Variants in ATP2C2 observed in about 807,000 individuals in gnomAD.
ATP2C2 encodes calcium-transporting ATPase type 2C member 2.
ATP2C2 carries 171 observed loss-of-function variants against 110.8 expected under a neutral mutation model. That is an observed-to-expected ratio of 1.54 (90% CI 1.36 to 1.75). The LOEUF (loss-of-function observed/expected upper bound fraction) is 1.75, where lower values mean the gene tolerates loss of function less well. Among genes scored for constraint, ATP2C2 ranks in the 40% most tolerant of loss-of-function variants. The probability of loss-of-function intolerance (pLI) is 0.00; values close to 1 mark genes in which losing one functional copy is unlikely to be tolerated. For missense variants in ATP2C2, 1,963 were observed against 1,235.0 expected (o/e 1.59, Z -8.84); for synonymous variants, 804 against 508.4 (o/e 1.58, Z -7.82).
rs1009928629 is a variant in ATP2C2 at position 84,391,132 on chromosome 16, A to AAAG, written c.100-7354_100-7352dup. Among the ~76,000 whole-genome samples, 24 of 149,568 alleles carry AAAG rather than the reference A, an allele frequency of 1.6e-4. 1 individual carries two copies. Among genetic ancestry groups the AAAG allele is most frequent in the Middle Eastern group, 3.4e-3 (1 of 290 alleles). ...CAGACTCAAAAAAAAAAAAAAAAAAAAAGAAGAAGAAGAAGGGAAGGTTTG... is the reference window on the plus strand; with the variant it reads ...CAGACTCAAAAAAAAAAAAAAAAAAAAAGAAGAAGAAGAAGAAGGGAAGGTTTG... On this transcript the variant is annotated intron_variant, in intron 1 of 26. Transcript: ENST00000262429.
At chr16:84,455,471 G>A (rs1379741298) in intron 21 of ATP2C2, among the ~76,000 whole-genome samples, 4 of 152,132 alleles carry the variant, frequency 2.6e-5, no homozygotes, top group Admixed American at 6.5e-5. Context: ...CACCCCCATC[G>A]CTGACCACGG....
chr16:84,459,969 G>C, intron 23 of ATP2C2: 1 of 254,604 alleles, frequency 3.9e-6, no homozygotes, highest in Non-Finnish European at 7.8e-6. Context: ...GAAGGAATGC[G>C]CTTTGGAGTC....
intron 10 of ATP2C2, among the ~76,000 whole-genome samples, chr16:84,423,600 T>C (rs1025318079): frequency 3.3e-5 from 5 of 152,234 alleles, no homozygotes; most frequent in African/African-American, 9.6e-5. Context: ...CCCTGTTACA[T>C]TGCTGCTCTA....
Position 84,408,396 on chromosome 16 carries a change from C to T in ATP2C2, c.328-9C>T, listed in dbSNP as rs1905966760. The stretch of plus-strand genomic sequence containing the variant: ...AAGAACGTGCCCCACCCTGTTATTT[C>T]CTCTTCAGTTTAAGAACCCCCTGAT... On this transcript the variant is annotated splice_polypyrimidine_tract_variant and intron_variant, in intron 3 of 26. Transcript: ENST00000262429. 2 of 1,613,008 alleles carry T rather than the reference C, an allele frequency of 1.2e-6. No individual in the cohort carries two copies. Among genetic ancestry groups the T allele is most frequent in the Non-Finnish European group, 1.7e-6 (2 of 1,179,294 alleles).
chr16:84,416,816 A>G (rs549887091), intron 7 of ATP2C2, among the ~76,000 whole-genome samples: 7 of 152,282 alleles, frequency 4.6e-5, no homozygotes, highest in Admixed American at 3.3e-4. Context: ...TCTGGGGTGC[A>G]TGGATCCGGT....
chr16:84,426,233 C>T (rs1414547971), intron 11 of ATP2C2, among the ~76,000 whole-genome samples: 1 of 151,962 alleles, frequency 6.6e-6, no homozygotes, highest in Non-Finnish European at 1.5e-5. Context: ...AGAGCAGGGG[C>T]AGGAGAGGGA....
intron 23 of ATP2C2, chr16:84,459,894 G>A: frequency 3.0e-6 from 1 of 331,540 alleles, no homozygotes; most frequent in African/African-American, 2.1e-5. Flanking sequence ...CTCAGTAGGT[G>A]CTCAGGAGTC....
chr16:84,374,090 T>C (rs1910118473), intron 1 of ATP2C2, among the ~76,000 whole-genome samples: 1 of 152,216 alleles, frequency 6.6e-6, no homozygotes, highest in Admixed American at 6.5e-5. Flanking sequence ...GAATATTTCT[T>C]CATTTGGTAT....
chr16:84,377,938 C>T (rs933936294), intron 1 of ATP2C2, among the ~76,000 whole-genome samples: 4 of 152,164 alleles, frequency 2.6e-5, no homozygotes, highest in African/African-American at 4.8e-5. Flanking sequence ...CTAGCTGGGC[C>T]ATATTCCTAT....
At chr16:84,397,655 C>CAAAAAAAAAAAA (rs58934576) in intron 1 of ATP2C2, among the ~76,000 whole-genome samples, 10,172 of 62,798 alleles carry the variant, frequency 0.16, 2,177 homozygotes, top group Non-Finnish European at 0.22. Context: ...GCCTGGGTGA[C>CAAAAAAAAAAAA]AAAAAAAAAA....
At chr16:84,400,254 C>G (rs770722497) in intron 2 of ATP2C2, among the ~76,000 whole-genome samples, 2 of 151,866 alleles carry the variant, frequency 1.3e-5, no homozygotes, top group Non-Finnish European at 2.9e-5. Flanking sequence ...CTTCAATATT[C>G]TGATTTCCTT....
At chr16:84,429,850 G>T (rs1597820333) in intron 11 of ATP2C2, among the ~76,000 whole-genome samples, 1 of 152,012 alleles carries the variant, frequency 6.6e-6, no homozygotes, top group Non-Finnish European at 1.5e-5. Context: ...CATTCTAGAG[G>T]CCAGAAGTCC....
At chr16:84,455,351 G>C (rs142501811) in intron 21 of ATP2C2, among the ~76,000 whole-genome samples, 2 of 152,178 alleles carry the variant, frequency 1.3e-5, no homozygotes, top group African/African-American at 4.8e-5. Flanking sequence ...GGCCAAATAC[G>C]TGCTCACACT....
chr16:84,392,843 G>T (rs925729909), intron 1 of ATP2C2, among the ~76,000 whole-genome samples: 3 of 152,156 alleles, frequency 2.0e-5, no homozygotes, highest in African/African-American at 7.2e-5. Flanking sequence ...TAGTGATCAT[G>T]TCCCCATGGT....
At chr16:84,429,438 C>T (rs1036533091) in intron 11 of ATP2C2, among the ~76,000 whole-genome samples, 1 of 152,220 alleles carries the variant, frequency 6.6e-6, no homozygotes, top group Non-Finnish European at 1.5e-5. Flanking sequence ...CAGGTGTGAG[C>T]CAGTGCTTCC....
intron 2 of ATP2C2, chr16:84,404,809 C>CT (rs35653774): frequency 0.031 from 8,459 of 273,144 alleles, 4 homozygotes; most frequent in South Asian, 0.059. Flanking sequence ...TTCCCAAGAC[C>CT]TTTTTTTTTT....
chr16:84,403,149 T>G (rs780371692), intron 2 of ATP2C2, among the ~76,000 whole-genome samples: 1 of 152,226 alleles, frequency 6.6e-6, no homozygotes, highest in Non-Finnish European at 1.5e-5. Context: ...CATTTCTGTT[T>G]GTATTTATTT....
chr16:84,463,354 T>C (rs985721520), intron 26 of ATP2C2, among the ~76,000 whole-genome samples: 1 of 152,128 alleles, frequency 6.6e-6, no homozygotes, highest in African/African-American at 2.4e-5. Context: ...CCCGAGTCCA[T>C]AACATGCTCC....
chr16:84,415,984 C>G (rs957176241), intron 7 of ATP2C2, among the ~76,000 whole-genome samples: 4 of 152,100 alleles, frequency 2.6e-5, no homozygotes, highest in African/African-American at 7.2e-5. Flanking sequence ...TCAAGACCAC[C>G]CTGGCCAACA....
Sources: allele counts gnomAD v4.1 joint callset (sites outside exome capture counted in the v4.1 genomes callset), GRCh38; gene constraint gnomAD v4.1.1; transcripts MANE v1.5; gene names NCBI Gene and HGNC (gene_info 2026-07-23, HGNC 2026-07-21).